GALNT13: variants seen among roughly 807,000 people sequenced by gnomAD.
GALNT13 encodes UDP-GalNAc:polypeptide N-acetylgalactosaminyltransferase 13.
Under a neutral mutation model 64.2 loss-of-function variants are expected in GALNT13, and 28 were observed. The ratio of observed to expected loss-of-function variants is 0.44; its 90% CI spans 0.32 to 0.60. The LOEUF is 0.60. Among genes scored for constraint, GALNT13 ranks in the 20% least tolerant of loss-of-function variants. GALNT13 has a pLI of 0.05. For synonymous variants in GALNT13, 214 were observed against 224.6 expected (o/e 0.95, Z 0.42); for missense variants, 577 against 669.8 (o/e 0.86, Z 1.53).
chr2:153,256,825 G>A, the GALNT13 span, among the ~76,000 whole-genome samples: 1 of 152,228 alleles, frequency 6.6e-6, no homozygotes, highest in Non-Finnish European at 1.5e-5. Context: ...ATCTCCAGCT[G>A]TGTGCTGGGA....
the GALNT13 span, among the ~76,000 whole-genome samples, chr2:153,634,286 C>T: frequency 4.6e-5 from 7 of 152,242 alleles, no homozygotes; most frequent in South Asian, 1.5e-3. Flanking sequence ...GTAACCTACA[C>T]TTATATTCAG....
intron 9 of GALNT13, among the ~76,000 whole-genome samples, chr2:154,321,721 A>G (rs114167584): frequency 0.01 from 1,526 of 152,210 alleles, 21 homozygotes; most frequent in African/African-American, 0.029. Context: ...TAAATAATAT[A>G]TTAAAAATAT....
the GALNT13 span, among the ~76,000 whole-genome samples, chr2:153,089,876 C>A: frequency 4.6e-5 from 7 of 151,788 alleles, no homozygotes; most frequent in South Asian, 1.2e-3. Context: ...CGGTTTTTAC[C>A]TTTCCCTGCT....
intron 3 of GALNT13, among the ~76,000 whole-genome samples, chr2:154,020,881 G>A (rs1011217552): frequency 2.6e-5 from 4 of 152,032 alleles, no homozygotes; most frequent in African/African-American, 9.7e-5. Flanking sequence ...TTTTGTATAA[G>A]GTGTAAGGAA....
the GALNT13 span, among the ~76,000 whole-genome samples, chr2:153,384,503 T>G: frequency 6.6e-6 from 1 of 151,996 alleles, no homozygotes; most frequent in Non-Finnish European, 1.5e-5. Context: ...TAGGAAATGT[T>G]GTCCCTATTC....
chr2:153,118,644 G>A, the GALNT13 span, among the ~76,000 whole-genome samples: 9 of 152,084 alleles, frequency 5.9e-5, no homozygotes, highest in Admixed American at 1.3e-4. Flanking sequence ...ATAAATAATT[G>A]TTGAATTAAA....
the GALNT13 span, among the ~76,000 whole-genome samples, chr2:153,076,050 T>C: frequency 6.6e-6 from 1 of 152,206 alleles, no homozygotes; most frequent in Non-Finnish European, 1.5e-5. Context: ...TTTGCTGTTA[T>C]TAACAATAAT....
At chr2:153,363,188 GAAGA>G in the GALNT13 span, among the ~76,000 whole-genome samples, 1 of 152,186 alleles carries the variant, frequency 6.6e-6, no homozygotes, top group South Asian at 2.1e-4. Context: ...AAACCAAGGA[GAAGA>G]AAGGCACAAT....
the GALNT13 span, among the ~76,000 whole-genome samples, chr2:153,274,680 A>G: frequency 1.3e-5 from 2 of 152,210 alleles, no homozygotes; most frequent in African/African-American, 4.8e-5. Context: ...CCTTCTGTCA[A>G]AAGCTCCTGG....
the GALNT13 span, among the ~76,000 whole-genome samples, chr2:153,449,268 C>T: frequency 3.9e-5 from 6 of 152,202 alleles, no homozygotes; most frequent in East Asian, 3.9e-4. Flanking sequence ...AAGCCCAAAC[C>T]GAATACCAGA....
the GALNT13 span, among the ~76,000 whole-genome samples, chr2:153,729,967 A>G: frequency 2.0e-5 from 3 of 151,960 alleles, no homozygotes; most frequent in African/African-American, 7.2e-5. Flanking sequence ...AAAAAATCCC[A>G]TGTTCGTGGA....
the GALNT13 span, among the ~76,000 whole-genome samples, chr2:153,673,679 T>TCAA: frequency 3.3e-5 from 5 of 152,152 alleles, no homozygotes; most frequent in Non-Finnish European, 7.4e-5. Context: ...CCACTCCTAT[T>TCAA]CAACATAGTG....
the GALNT13 span, among the ~76,000 whole-genome samples, chr2:153,732,935 G>T: frequency 6.6e-6 from 1 of 152,022 alleles, no homozygotes; most frequent in Non-Finnish European, 1.5e-5. Context: ...GAGAAGAACC[G>T]CTTACTCTCC....
At chr2:154,074,362 A>G (rs1700883076) in intron 3 of GALNT13, among the ~76,000 whole-genome samples, 1 of 151,898 alleles carries the variant, frequency 6.6e-6, no homozygotes, top group Non-Finnish European at 1.5e-5. Flanking sequence ...TGATACAAGG[A>G]CTCATTTTCA....
At chr2:153,912,496 T>G (rs1298027616) in intron 2 of GALNT13, among the ~76,000 whole-genome samples, 2 of 152,222 alleles carry the variant, frequency 1.3e-5, no homozygotes, top group Admixed American at 6.5e-5. Flanking sequence ...TTTTTTGAGC[T>G]GTCAGAGTTC....
At chr2:154,419,993 T>A (rs940037287) in intron 11 of GALNT13, among the ~76,000 whole-genome samples, 1 of 152,170 alleles carries the variant, frequency 6.6e-6, no homozygotes, top group South Asian at 2.1e-4. Flanking sequence ...TTCTGTTTTT[T>A]AATGTACATA....
the GALNT13 span, among the ~76,000 whole-genome samples, chr2:153,632,961 A>G: frequency 6.6e-5 from 10 of 151,930 alleles, no homozygotes; most frequent in African/African-American, 2.4e-4. Flanking sequence ...TGGTTTCACT[A>G]TGTTGGCCAG....
the GALNT13 span, among the ~76,000 whole-genome samples, chr2:153,445,502 A>G: frequency 6.6e-6 from 1 of 151,978 alleles, no homozygotes; most frequent in Admixed American, 6.5e-5. Flanking sequence ...CTCAGCCTCC[A>G]GGGTAGCTGG....
chr2:154,304,978 A>C (rs1223642452), intron 9 of GALNT13, among the ~76,000 whole-genome samples: 3 of 152,200 alleles, frequency 2.0e-5, no homozygotes, highest in Admixed American at 2.0e-4. Flanking sequence ...CCCAAACCTG[A>C]AACACAAAAC....
Sources: allele counts gnomAD v4.1 joint callset (sites outside exome capture counted in the v4.1 genomes callset), GRCh38; gene constraint gnomAD v4.1.1; transcripts MANE v1.5; gene names NCBI Gene and HGNC (gene_info 2026-07-23, HGNC 2026-07-21).